The following TLL2 variants were observed in gnomAD, a reference collection of about 807,000 sequenced individuals.
TLL2 encodes the protein tolloid like 2, also known as tolloid-like protein 2.
TLL2 carries 106 observed loss-of-function variants against 123.0 expected under a neutral mutation model. The observed-to-expected ratio is 0.86, with a 90% CI of 0.74 to 1.01. The LOEUF (loss-of-function observed/expected upper bound fraction) is 1.01. Among genes scored for constraint, TLL2 ranks in the 50% least tolerant of loss-of-function variants. TLL2 has a pLI of 0.00. For synonymous variants in TLL2, 494 were observed against 516.8 expected (o/e 0.96, Z 0.60); for missense variants, 1,332 against 1,336.7 (o/e 1.00, Z 0.06).
At position 96,491,118 on chromosome 10, in the gene TLL2, C is replaced by G. The variant is rs534309304; in HGVS notation, c.176-10659G>C. Among the ~76,000 whole-genome samples the G allele has an allele frequency of 2.0e-5, 3 of 152,272 alleles. No individual in the cohort carries two copies. In the East Asian group the frequency reaches 5.8e-4, roughly 29 times the overall value. ...ACATCCGGCTGGGCGCGGTGGCTTT[C>G]GCCTATAATCCTAGAACTTTGGGAG... On this transcript the variant is annotated intron_variant, in intron 1 of 20. Coordinates refer to ENST00000357947, the MANE Select transcript of TLL2 (RefSeq NM_012465.4).
intron 2 of TLL2, among the ~76,000 whole-genome samples, chr10:96,469,979 G>A (rs1027557245): frequency 4.6e-5 from 7 of 152,082 alleles, no homozygotes; most frequent in South Asian, 2.1e-4. Context: ...TCTTGTGGGC[G>A]GGGCAGGGTG....
At chr10:96,490,354 T>C (rs1014638029) in intron 1 of TLL2, among the ~76,000 whole-genome samples, 1 of 152,222 alleles carries the variant, frequency 6.6e-6, no homozygotes, top group Non-Finnish European at 1.5e-5. Context: ...AATGTTAATC[T>C]GCACAATCAG....
At chr10:96,410,259 A>C in intron 9 of TLL2, 100 bp downstream of exon 9, 1 of 834,590 alleles carries the variant, frequency 1.2e-6, no homozygotes, top group Non-Finnish European at 1.9e-6. Context: ...GGTGCTTATA[A>C]CCGAACAGCT....
In TLL2 at chr10:96,476,504, C is replaced by T. The variant is rs536633806; in HGVS notation, c.286+3845G>A. ...CTTGAACTCCTGACCTCAAGTGATC[C>T]GCCTGCCTCGGCCTCCCAAAGTGCT... On this transcript the variant is annotated intron_variant, in intron 2 of 20. Transcript: ENST00000357947. Among the ~76,000 whole-genome samples the T allele has an allele frequency of 1.5e-3, 220 of 151,442 alleles. 3 individuals are homozygous for T. Among genetic ancestry groups the T allele is most frequent in the African/African-American group, 5.0e-3 (208 of 41,258 alleles).
At chr10:96,447,148 TCCTC>T (rs1193331288) in intron 2 of TLL2, among the ~76,000 whole-genome samples, 1 of 151,700 alleles carries the variant, frequency 6.6e-6, no homozygotes, top group Admixed American at 6.6e-5. Context: ...GGCCAGAGGA[TCCTC>T]CGCAGGGGAA....
At chr10:96,389,605 C>A (rs1377594176) in intron 13 of TLL2, among the ~76,000 whole-genome samples, 1 of 152,082 alleles carries the variant, frequency 6.6e-6, no homozygotes, top group African/African-American at 2.4e-5. Flanking sequence ...AGAAGGAAAC[C>A]AAGGAAAGAG....
chr10:96,408,951 T>C (rs542072449), intron 9 of TLL2, among the ~76,000 whole-genome samples: 234 of 152,338 alleles, frequency 1.5e-3, no homozygotes, highest in Non-Finnish European at 2.6e-3. Flanking sequence ...GAGGACTAAA[T>C]TAGATGATCC....
chr10:96,499,070 G>A (rs1289232967), intron 1 of TLL2, among the ~76,000 whole-genome samples: 1 of 152,162 alleles, frequency 6.6e-6, no homozygotes, highest in African/African-American at 2.4e-5. Flanking sequence ...TTCACCACTT[G>A]ACACCATGTT....
At chr10:96,413,367 T>C in intron 7 of TLL2, 51 bp from the exon 8 acceptor site, 1 of 1,593,230 alleles carries the variant, frequency 6.3e-7, no homozygotes, top group Non-Finnish European at 8.6e-7. Flanking sequence ...CATCAGGCTG[T>C]CTGTGCTGGG....
intron 2 of TLL2, among the ~76,000 whole-genome samples, chr10:96,447,541 AT>A (rs902599578): frequency 1.3e-5 from 2 of 151,918 alleles, no homozygotes; most frequent in African/African-American, 4.8e-5. Flanking sequence ...GGGCTAGTGG[AT>A]TCGATCTGAG....
Position 96,386,209 on chromosome 10 carries a change from C to T in TLL2, c.1859G>A (p.Cys620Tyr). 1 of 1,593,856 alleles carries T rather than the reference C, an allele frequency of 6.3e-7. No homozygotes were observed. Among genetic ancestry groups the T allele is most frequent in the East Asian group, 2.3e-5 (1 of 44,204 alleles). ...ATTCAGCTTGGTAATGAAACCGCCA[C>T]AGGCCACTGCACGGGGGAAACAGAA... ...AADKKMCEVA[C>Y]GGFITKLNGT... The change falls in exon 15 of 21, where the codon TGT becomes TAT. Residue 620 changes from cysteine (C) to tyrosine (Y), a missense_variant. Coordinates refer to ENST00000357947, the MANE Select transcript of TLL2 (RefSeq NM_012465.4).
At chr10:96,445,035 A>G (rs558155932) in intron 3 of TLL2, among the ~76,000 whole-genome samples, 2,161 of 152,184 alleles carry the variant, frequency 0.014, 51 homozygotes, top group African/African-American at 0.049. Flanking sequence ...TAAAAATACA[A>G]AACATTAGCC....
chr10:96,495,646 T>C (rs1847466280), intron 1 of TLL2, among the ~76,000 whole-genome samples: 1 of 152,072 alleles, frequency 6.6e-6, no homozygotes, highest in Admixed American at 6.5e-5. Context: ...TGACCCTAAA[T>C]TTCAGGACTC....
intron 3 of TLL2, among the ~76,000 whole-genome samples, chr10:96,436,259 C>G (rs550319721): frequency 6.6e-6 from 1 of 152,358 alleles, no homozygotes; most frequent in African/African-American, 2.4e-5. Context: ...ATTTGGCCTA[C>G]TGATATCATT....
chr10:96,449,474 T>A (rs542263336), intron 2 of TLL2, among the ~76,000 whole-genome samples: 2 of 152,316 alleles, frequency 1.3e-5, no homozygotes, highest in African/African-American at 4.8e-5. Context: ...CCCTCCCCTG[T>A]CCTTATCAAC....
At chr10:96,387,260 C>G (rs975449033) in intron 13 of TLL2, among the ~76,000 whole-genome samples, 182 bp from the exon 14 acceptor site, 4 of 152,214 alleles carry the variant, frequency 2.6e-5, no homozygotes, top group Non-Finnish European at 5.9e-5. Flanking sequence ...ACAGTGAAGG[C>G]AGGACACTGA....
chr10:96,428,976 G>T (rs1846708852), intron 4 of TLL2, among the ~76,000 whole-genome samples: 1 of 151,926 alleles, frequency 6.6e-6, no homozygotes, highest in Non-Finnish European at 1.5e-5. Flanking sequence ...GGCTAATTTT[G>T]TATTTTTAGT....
chr10:96,445,062 G>A (rs1401651104), intron 3 of TLL2, among the ~76,000 whole-genome samples: 2 of 152,210 alleles, frequency 1.3e-5, no homozygotes, highest in South Asian at 2.1e-4. Flanking sequence ...GGTGGCGGGC[G>A]CCTGTAGTCC....
At chr10:96,403,502 G>A (rs1846415721) in intron 10 of TLL2, among the ~76,000 whole-genome samples, 1 of 152,198 alleles carries the variant, frequency 6.6e-6, no homozygotes, top group African/African-American at 2.4e-5. Context: ...CGCAGGACAT[G>A]CCTTGTTAAC....
Sources: allele counts gnomAD v4.1 joint callset (sites outside exome capture counted in the v4.1 genomes callset), GRCh38; gene constraint gnomAD v4.1.1; transcripts MANE v1.5; gene names NCBI Gene and HGNC (gene_info 2026-07-23, HGNC 2026-07-21).